CDH13: variants seen among roughly 807,000 people sequenced by gnomAD.
The protein encoded by CDH13 is cadherin 13.
Under a neutral mutation model 63.8 loss-of-function variants are expected in CDH13, and 24 were observed. The observed-to-expected ratio is 0.38, with a 90% confidence interval of 0.27 to 0.53. CDH13 has a LOEUF of 0.53. Among genes scored for constraint, CDH13 ranks in the 20% least tolerant of loss-of-function variants. The pLI is 0.85. For synonymous variants in CDH13, 503 were observed against 355.3 expected (o/e 1.42, Z -4.67); for missense variants, 1,049 against 903.1 (o/e 1.16, Z -2.07).
chr16:83,117,456 C>T lies in CDH13; in HGVS notation c.367-7929C>T, dbSNP rs377572341. Among the ~76,000 whole-genome samples the T allele has an allele frequency of 5.2e-4, 79 of 152,226 alleles. 3 individuals are homozygous for T. The highest frequency in any genetic ancestry group is 1.8e-3 in the African/African-American group (74 of 41,534). On this transcript the variant is annotated intron_variant, in intron 3 of 13. Coordinates refer to ENST00000567109, the MANE Select transcript of CDH13 (RefSeq NM_001257.5). ...TCCCTGTCTAAAACATCAGCACCCT[C>T]TCCCCCTGAGCACTTCCAGCCCTCC...
At chr16:82,758,616 AG>A in intron 1 of CDH13, among the ~76,000 whole-genome samples, 1 of 152,202 alleles carries the variant, frequency 6.6e-6, no homozygotes, top group East Asian at 1.9e-4. Context: ...TCTAGAGGAG[AG>A]GTCACGCGGC....
At chr16:83,060,555 A>G (rs2031437495) in intron 3 of CDH13, among the ~76,000 whole-genome samples, 1 of 152,186 alleles carries the variant, frequency 6.6e-6, no homozygotes, top group Non-Finnish European at 1.5e-5. Flanking sequence ...CCAGAGAGGC[A>G]GTCGAGGTGT....
At chr16:83,774,575 T>C (rs1026397222) in intron 11 of CDH13, among the ~76,000 whole-genome samples, 8 of 152,170 alleles carry the variant, frequency 5.3e-5, no homozygotes, top group Admixed American at 4.6e-4. Flanking sequence ...GGTTTCGCCA[T>C]GTTGGCCAGG....
At chr16:82,889,334 C>T (rs971074047) in intron 2 of CDH13, among the ~76,000 whole-genome samples, 1 of 151,826 alleles carries the variant, frequency 6.6e-6, no homozygotes, top group African/African-American at 2.4e-5. Flanking sequence ...ACCTACCTAC[C>T]TATCTACCAA....
intron 1 of CDH13, among the ~76,000 whole-genome samples, chr16:82,773,937 C>A (rs961539518): frequency 1.3e-5 from 2 of 152,048 alleles, no homozygotes; most frequent in African/African-American, 4.8e-5. Context: ...CCACCCACCA[C>A]CACCCCTGGC....
intron 1 of CDH13, among the ~76,000 whole-genome samples, chr16:82,693,361 C>T (rs1915817695): frequency 6.6e-6 from 1 of 152,156 alleles, no homozygotes; most frequent in Non-Finnish European, 1.5e-5. Flanking sequence ...ATCAAAGGAC[C>T]TGCTAGCAGA....
At chr16:83,112,250 G>C (rs936481033) in intron 3 of CDH13, among the ~76,000 whole-genome samples, 1 of 152,186 alleles carries the variant, frequency 6.6e-6, no homozygotes, top group African/African-American at 2.4e-5. Context: ...AATTACTCTA[G>C]CAAACCAGCA....
intron 7 of CDH13, among the ~76,000 whole-genome samples, chr16:83,554,589 G>A (rs2075567470): frequency 6.6e-6 from 1 of 152,002 alleles, no homozygotes; most frequent in Non-Finnish European, 1.5e-5. Context: ...ATGAAGAGGG[G>A]AGTCTCACAC....
intron 2 of CDH13, among the ~76,000 whole-genome samples, chr16:83,009,116 C>G (rs1341679360): frequency 1.3e-5 from 2 of 152,156 alleles, no homozygotes; most frequent in Non-Finnish European, 2.9e-5. Context: ...AAGTATAATT[C>G]AAGATGAAAT....
At chr16:83,169,970 G>T (rs1214908093) in intron 4 of CDH13, among the ~76,000 whole-genome samples, 1 of 152,000 alleles carries the variant, frequency 6.6e-6, no homozygotes, top group Non-Finnish European at 1.5e-5. Context: ...TTAATGTGAA[G>T]TCCCATTTCA....
intron 2 of CDH13, among the ~76,000 whole-genome samples, chr16:82,883,240 A>G (rs997522987): frequency 6.6e-6 from 1 of 152,248 alleles, no homozygotes; most frequent in African/African-American, 2.4e-5. Context: ...AGGCAGTGTC[A>G]TCTCATGATC....
intron 7 of CDH13, among the ~76,000 whole-genome samples, chr16:83,509,883 A>G (rs1215667359): frequency 1.3e-5 from 2 of 152,232 alleles, no homozygotes; most frequent in African/African-American, 2.4e-5. Context: ...TTAAGCTCAG[A>G]GAGGGTAGAT....
At chr16:82,970,494 G>A (rs1373054368) in intron 2 of CDH13, among the ~76,000 whole-genome samples, 1 of 123,940 alleles carries the variant, frequency 8.1e-6, no homozygotes, top group East Asian at 2.6e-4. Context: ...CCACTTCCCG[G>A]GTTCACGCCA....
intron 1 of CDH13, among the ~76,000 whole-genome samples, chr16:82,826,952 A>G (rs1040291156): frequency 6.6e-6 from 1 of 152,206 alleles, no homozygotes; most frequent in Non-Finnish European, 1.5e-5. Flanking sequence ...AGAATGCACA[A>G]TTGAGCTAAT....
intron 10 of CDH13, among the ~76,000 whole-genome samples, chr16:83,698,118 G>T (rs1435042558): frequency 6.6e-6 from 1 of 152,210 alleles, no homozygotes; most frequent in African/African-American, 2.4e-5. Flanking sequence ...ATACATGTTT[G>T]TTAGTTAACG....
chr16:83,541,445 G>A (rs1361856836), intron 7 of CDH13, among the ~76,000 whole-genome samples: 2 of 152,192 alleles, frequency 1.3e-5, no homozygotes, highest in African/African-American at 2.4e-5. Context: ...ATGTGGCAGA[G>A]ATCGTGTGTT....
chr16:83,044,946 C>G (rs765637270), intron 3 of CDH13, among the ~76,000 whole-genome samples: 21 of 152,246 alleles, frequency 1.4e-4, no homozygotes, highest in East Asian at 3.9e-4. Flanking sequence ...TTTCTAGGCT[C>G]TCTGATATGC....
rs535920649 is a variant in CDH13 at position 82,773,087 on chromosome 16, C to T, written c.46-85275C>T. 2.6e-5 allele frequency among the ~76,000 whole-genome samples: 4 copies of T among 152,332 alleles called. No homozygotes were observed. The South Asian group carries it at 8.3e-4, about 32-fold the overall frequency. On this transcript the variant is annotated intron_variant, in intron 1 of 13. Coordinates refer to ENST00000567109, the MANE Select transcript of CDH13 (RefSeq NM_001257.5). ...TCATCGAGGGATGGAAGTCTGGATA[C>T]ACTCCTTTCATCTCTCAGAATCAGC...
intron 4 of CDH13, among the ~76,000 whole-genome samples, chr16:83,157,846 G>A (rs534704647): frequency 1.4e-4 from 21 of 151,852 alleles, no homozygotes; most frequent in African/African-American, 4.8e-4. Flanking sequence ...CTGGGAGGCA[G>A]AGGTTGCAGT....
Sources: allele counts gnomAD v4.1 joint callset (sites outside exome capture counted in the v4.1 genomes callset), GRCh38; gene constraint gnomAD v4.1.1; transcripts MANE v1.5; gene names NCBI Gene and HGNC (gene_info 2026-07-23, HGNC 2026-07-21).